The following PRKN variants were observed in gnomAD, a reference collection of about 807,000 sequenced individuals.
PRKN encodes the protein E3 ubiquitin-protein ligase parkin.
PRKN carries 56 observed loss-of-function variants against 59.5 expected under a neutral mutation model. The observed-to-expected ratio is 0.94, with a 90% CI of 0.76 to 1.18. The LOEUF (loss-of-function observed/expected upper bound fraction) is 1.18. Among genes scored for constraint, PRKN ranks in the 50% most tolerant of loss-of-function variants. PRKN has a pLI of 0.00. For synonymous variants in PRKN, 250 were observed against 222.1 expected (o/e 1.13, Z -1.12); for missense variants, 657 against 596.4 (o/e 1.10, Z -1.06).
chr6:162,537,230 G>A (rs991978049), intron 1 of PRKN, among the ~76,000 whole-genome samples: 1 of 151,936 alleles, frequency 6.6e-6, no homozygotes, highest in African/African-American at 2.4e-5. Flanking sequence ...ATCAATACAC[G>A]GAAATTTCTC....
At chr6:162,324,046 C>G (rs1388518872) in intron 2 of PRKN, among the ~76,000 whole-genome samples, 1 of 152,058 alleles carries the variant, frequency 6.6e-6, no homozygotes, top group African/African-American at 2.4e-5. Context: ...CACCTGTATA[C>G]AGGTGTGCAA....
chr6:162,713,352 C>A (rs539322543), intron 1 of PRKN, among the ~76,000 whole-genome samples: 1 of 151,998 alleles, frequency 6.6e-6, no homozygotes, highest in South Asian at 2.1e-4. Context: ...AAATTAGCCA[C>A]GCGTGCTGGC....
In PRKN at chr6:161,592,503, C is replaced by T. The variant is rs1781760375; in HGVS notation, c.872-23087G>A. Among the ~76,000 whole-genome samples, 1 of 151,986 alleles carries T rather than the reference C, an allele frequency of 6.6e-6. No individual in the cohort carries two copies. Among genetic ancestry groups the T allele is most frequent in the Non-Finnish European group, 1.5e-5 (1 of 68,016 alleles). ...ATATTCCTTCTACAAATATATATGG[C>T]ACAAAATCCAAATGCCAGGAACTGG... On this transcript the variant is annotated intron_variant, in intron 7 of 11. Transcript: ENST00000366898. This position sits in a 1 kb window ranked among gnomAD's most constrained non-coding sequence, Gnocchi z 4.8.
At chr6:162,354,809 T>C (rs732434) in intron 2 of PRKN, among the ~76,000 whole-genome samples, 36,738 of 152,032 alleles carry the variant, frequency 0.24, 4,680 homozygotes, top group Non-Finnish European at 0.25. Flanking sequence ...AAACCATTAA[T>C]TGAATAAGTT....
chr6:161,630,744 C>T (rs1036606642), intron 7 of PRKN, among the ~76,000 whole-genome samples: 8 of 152,026 alleles, frequency 5.3e-5, no homozygotes, highest in African/African-American at 1.9e-4. Flanking sequence ...ATGTCTAGGG[C>T]CCTAGACTAG....
intron 1 of PRKN, among the ~76,000 whole-genome samples, chr6:162,537,226 A>G (rs1030000914): frequency 3.9e-5 from 6 of 152,128 alleles, no homozygotes; most frequent in African/African-American, 1.2e-4. Flanking sequence ...GCTAATCAAT[A>G]CACGGAAATT....
At chr6:161,726,099 T>G (rs948753220) in intron 7 of PRKN, among the ~76,000 whole-genome samples, 1 of 152,252 alleles carries the variant, frequency 6.6e-6, no homozygotes, top group African/African-American at 2.4e-5. Context: ...CTCGTCAATG[T>G]GCACCTTGTA....
intron 1 of PRKN, among the ~76,000 whole-genome samples, chr6:162,472,243 T>C (rs140535559): frequency 1.1e-3 from 163 of 151,972 alleles, no homozygotes; most frequent in African/African-American, 3.7e-3. Context: ...CTAGGGTACA[T>C]GGGCACAACA....
chr6:162,530,919 T>TG (rs1440990574), intron 1 of PRKN, among the ~76,000 whole-genome samples: 2 of 151,638 alleles, frequency 1.3e-5, no homozygotes, highest in African/African-American at 4.9e-5. Flanking sequence ...TAGCAGGGCA[T>TG]GGCCGCGTGT....
chr6:162,309,495 T>C (rs947248992), intron 2 of PRKN, among the ~76,000 whole-genome samples: 2 of 152,152 alleles, frequency 1.3e-5, no homozygotes, highest in Non-Finnish European at 1.5e-5. Context: ...GAATCTGACA[T>C]CCAGGGGGAT....
rs1792197942 is a variant in PRKN at position 161,825,364 on chromosome 6, C to A, written c.735-39456G>T. On this transcript the variant is annotated intron_variant, in intron 6 of 11. Coordinates refer to ENST00000366898, the MANE Select transcript of PRKN (RefSeq NM_004562.3). ...GCATTCTGTTTCTTAAAGAAGGTCT[C>A]CCAAATGGTGTAATTTAAGATCCCC... Among the ~76,000 whole-genome samples, 5 of 152,078 alleles carry A rather than the reference C, an allele frequency of 3.3e-5. No individual in the cohort carries two copies. In the East Asian group the frequency reaches 9.7e-4, roughly 29 times the overall value.
rs568719317 is a variant in PRKN at position 161,397,398 on chromosome 6, C to T, written c.1084-10521G>A. Among the ~76,000 whole-genome samples, 157 of 152,260 alleles carry T rather than the reference C, an allele frequency of 1.0e-3. No individual in the cohort carries two copies. The highest frequency in any genetic ancestry group is 3.4e-3 in the African/African-American group (142 of 41,542). On this transcript the variant is annotated intron_variant, in intron 9 of 11. Coordinates refer to ENST00000366898, the MANE Select transcript of PRKN (RefSeq NM_004562.3). This position sits in a 1 kb window ranked among gnomAD's most constrained non-coding sequence, Gnocchi z 4.2. ...AAGGGTCCCATAGAAGAGATCCAGG[C>T]GGGTTGAGGTCAGTGGGTAAGAGCA...
At chr6:162,051,258 C>A (rs1777627526) in intron 5 of PRKN, among the ~76,000 whole-genome samples, 2 of 152,078 alleles carry the variant, frequency 1.3e-5, no homozygotes, top group African/African-American at 4.8e-5. Flanking sequence ...AGAATTCACA[C>A]CCAGGAGAGG....
chr6:161,887,837 C>G (rs905972579), intron 6 of PRKN, among the ~76,000 whole-genome samples: 4 of 152,062 alleles, frequency 2.6e-5, no homozygotes, highest in African/African-American at 9.7e-5. Context: ...CGATTTTTAC[C>G]AGATATAGAA....
chr6:162,636,419 C>A (rs7451729), intron 1 of PRKN, among the ~76,000 whole-genome samples: 29,705 of 152,082 alleles, frequency 0.2, 3,533 homozygotes, highest in East Asian at 0.47. Context: ...AGATCTAGTT[C>A]TGTTTCTAAC....
chr6:162,048,487 G>T (rs1777481839), intron 5 of PRKN, among the ~76,000 whole-genome samples: 1 of 151,960 alleles, frequency 6.6e-6, no homozygotes, highest in Admixed American at 6.6e-5. Flanking sequence ...TACGAGTTAG[G>T]ATTCGGAACT....
At chr6:161,822,310 G>T (rs1286914955) in intron 6 of PRKN, among the ~76,000 whole-genome samples, 1 of 152,194 alleles carries the variant, frequency 6.6e-6, no homozygotes, top group Non-Finnish European at 1.5e-5. Context: ...AAGGAAAAGT[G>T]CACATCTTTC....
chr6:161,784,885 A>C (rs1263934710), intron 7 of PRKN, among the ~76,000 whole-genome samples: 1 of 152,254 alleles, frequency 6.6e-6, no homozygotes, highest in African/African-American at 2.4e-5. Flanking sequence ...GAATGGACAC[A>C]CAAATTGTGG....
intron 7 of PRKN, among the ~76,000 whole-genome samples, chr6:161,686,358 T>C (rs746689020): frequency 3.3e-5 from 5 of 152,178 alleles, no homozygotes; most frequent in Non-Finnish European, 7.3e-5. Flanking sequence ...CATCTGACTT[T>C]CCCCTCATTC....
Sources: gnomAD v4.1 joint callset for allele counts (sites outside exome capture counted in the v4.1 genomes callset) on GRCh38, gnomAD v4.1.1 for gene constraint, Gnocchi (gnomAD v3.1) non-coding constraint, MANE v1.5 for transcripts, NCBI Gene and HGNC (gene_info 2026-07-23, HGNC 2026-07-21) for gene names.